FUT9: variants seen among roughly 807,000 people sequenced by gnomAD.
FUT9 encodes the protein 4-galactosyl-N-acetylglucosaminide 3-alpha-L-fucosyltransferase 9.
Under a neutral mutation model 29.7 loss-of-function variants are expected in FUT9, and 15 were observed. The observed-to-expected ratio is 0.51, with a 90% CI of 0.34 to 0.78. The LOEUF is 0.78. Ranked by LOEUF, FUT9 falls within the 30% of genes least tolerant of loss-of-function variation. The probability of loss-of-function intolerance (pLI) is 0.01; values close to 1 mark genes in which losing one functional copy is unlikely to be tolerated. For missense variants in FUT9, 319 were observed against 425.4 expected (o/e 0.75, Z 2.20); for synonymous variants, 169 against 153.7 (o/e 1.10, Z -0.74).
chr6:96,045,951 G>A (rs1770555770), intron 1 of FUT9, among the ~76,000 whole-genome samples: 1 of 152,188 alleles, frequency 6.6e-6, no homozygotes, highest in Non-Finnish European at 1.5e-5. Flanking sequence ...ATGAGGTAGG[G>A]TATAATTTTC....
At chr6:96,043,214 G>T (rs1021609943) in intron 1 of FUT9, among the ~76,000 whole-genome samples, 1 of 152,084 alleles carries the variant, frequency 6.6e-6, no homozygotes, top group Non-Finnish European at 1.5e-5. Flanking sequence ...ACCACGCCCG[G>T]CTAATTTTTT....
intron 1 of FUT9, among the ~76,000 whole-genome samples, chr6:96,042,454 A>G: frequency 6.6e-6 from 1 of 152,192 alleles, no homozygotes; most frequent in East Asian, 1.9e-4. Context: ...CACTACCTAA[A>G]TTCTGTAACT....
At chr6:96,145,797 G>C (rs1582265660) in intron 2 of FUT9, among the ~76,000 whole-genome samples, 1 of 152,128 alleles carries the variant, frequency 6.6e-6, no homozygotes, top group African/African-American at 2.4e-5. Context: ...TGGGGAGAAG[G>C]CCTTCACAGG....
At chr6:96,199,632 T>C (rs1484249699) in intron 2 of FUT9, among the ~76,000 whole-genome samples, 8 of 152,096 alleles carry the variant, frequency 5.3e-5, no homozygotes, top group Non-Finnish European at 8.8e-5. Flanking sequence ...GAGGCAAAAC[T>C]GGGAGATTTT....
At chr6:96,057,874 T>A (rs925336604) in intron 1 of FUT9, among the ~76,000 whole-genome samples, 10 of 152,190 alleles carry the variant, frequency 6.6e-5, no homozygotes, top group African/African-American at 2.4e-4. Context: ...CTAGACAATT[T>A]TCTCAAGATT....
At chr6:96,120,166 C>T (rs559863902) in intron 2 of FUT9, among the ~76,000 whole-genome samples, 2 of 151,436 alleles carry the variant, frequency 1.3e-5, no homozygotes, top group Non-Finnish European at 2.9e-5. Flanking sequence ...CTTCTACCAT[C>T]GTAGAAGTCT....
At chr6:96,121,416 T>A (rs1582247006) in intron 2 of FUT9, among the ~76,000 whole-genome samples, 1 of 152,244 alleles carries the variant, frequency 6.6e-6, no homozygotes, top group East Asian at 1.9e-4. Flanking sequence ...ATAGCTACTC[T>A]ACAAAGAGAC....
intron 1 of FUT9, among the ~76,000 whole-genome samples, chr6:96,034,415 A>G (rs1562102479): frequency 6.6e-6 from 1 of 150,668 alleles, no homozygotes; most frequent in Non-Finnish European, 1.5e-5. Context: ...ACTGGCGGAG[A>G]AAAAAAAAGC....
chr6:96,191,269 C>CA (rs758619156), intron 2 of FUT9, among the ~76,000 whole-genome samples: 37 of 152,026 alleles, frequency 2.4e-4, no homozygotes, highest in Non-Finnish European at 4.4e-4. Flanking sequence ...AAAAACCCTT[C>CA]AAAAAATCAA....
intron 2 of FUT9, among the ~76,000 whole-genome samples, chr6:96,165,190 G>A (rs1415787586): frequency 6.6e-6 from 1 of 152,168 alleles, no homozygotes; most frequent in Non-Finnish European, 1.5e-5. Flanking sequence ...CCAGCACTTT[G>A]GGAGGCTGAG....
At chr6:96,048,883 T>C (rs1406739442) in intron 1 of FUT9, among the ~76,000 whole-genome samples, 1 of 152,134 alleles carries the variant, frequency 6.6e-6, no homozygotes, top group African/African-American at 2.4e-5. Flanking sequence ...AATGCTATAG[T>C]CAGCTTGTCT....
At chr6:96,198,605 T>A (rs1180394075) in intron 2 of FUT9, among the ~76,000 whole-genome samples, 2 of 152,222 alleles carry the variant, frequency 1.3e-5, no homozygotes, top group African/African-American at 4.8e-5. Context: ...TATAGCAGCA[T>A]GATTTACAGT....
intron 1 of FUT9, among the ~76,000 whole-genome samples, chr6:96,088,530 TTGTGTGTGTG>T (rs35995545): frequency 0.51 from 75,377 of 148,622 alleles, 19,644 homozygotes; most frequent in Admixed American, 0.66. Flanking sequence ...TTTGTTTGTT[TTGTGTGTGTG>T]TGTGTGTGTG....
At chr6:96,048,782 G>A (rs9498824) in intron 1 of FUT9, among the ~76,000 whole-genome samples, 1 of 151,892 alleles carries the variant, frequency 6.6e-6, no homozygotes, top group African/African-American at 2.4e-5. Flanking sequence ...AAATGAGAGG[G>A]GGGGAACTGA....
At chr6:96,136,057 T>C (rs1022255227) in intron 2 of FUT9, among the ~76,000 whole-genome samples, 1 of 151,528 alleles carries the variant, frequency 6.6e-6, no homozygotes, top group Non-Finnish European at 1.5e-5. Context: ...AAGGAAATCA[T>C]GTAAAAGAGC....
Position 96,118,382 on chromosome 6 carries a change from A to T in FUT9, c.-9+4255A>T, listed in dbSNP as rs77981877. 6.4e-3 allele frequency among the ~76,000 whole-genome samples: 970 copies of T among 152,284 alleles called. 16 individuals are homozygous for T. Among genetic ancestry groups the T allele is most frequent in the African/African-American group, 0.022 (930 of 41,560 alleles). On this transcript the variant is annotated intron_variant, in intron 2 of 2. Coordinates refer to ENST00000302103, the MANE Select transcript of FUT9 (RefSeq NM_006581.4). ...AACATTGCAGGCAATGATTGACCAC[A>T]TGTACATCAGTGGTCCCATTAGATT...
At position 96,057,538 on chromosome 6, in the gene FUT9, C is replaced by T. The variant is rs117411425; in HGVS notation, c.-98+41326C>T. On this transcript the variant is annotated intron_variant, in intron 1 of 2. Transcript: ENST00000302103. ...TCAACATTATCAGCAGTAGTAATGG[C>T]CATCATTTATACATGTTGATTTTAT... Among the ~76,000 whole-genome samples the T allele has an allele frequency of 1.2e-3, 179 of 152,280 alleles. 2 individuals carry two copies. In the East Asian group the frequency reaches 0.029, roughly 25 times the overall value.
intron 1 of FUT9, among the ~76,000 whole-genome samples, chr6:96,029,707 G>T (rs1770228537): frequency 1.3e-5 from 2 of 151,602 alleles, no homozygotes; most frequent in African/African-American, 4.8e-5. Flanking sequence ...GTCAAAAGAA[G>T]TCAAGCAATG....
rs751421960 is a variant in FUT9, at chr6:96,204,006, A to G, written c.851A>G (p.Asp284Gly). ...RENYENYIPA[D>G]SFIHVEDYNS... ...AACTATGAGAATTATATTCCAGCAG[A>G]TTCATTCATTCATGTGGAAGATTAT... Residue 284 changes from aspartate to glycine, a missense_variant, in exon 3 of 3, where the codon GAT (aspartate) becomes GGT (glycine). By Grantham distance (94) the Asp-to-Gly change is moderately conservative. Coordinates refer to ENST00000302103, the MANE Select transcript of FUT9 (RefSeq NM_006581.4). The G allele has an allele frequency of 1.2e-6, 2 of 1,607,716 alleles. No homozygotes were observed. The highest frequency in any genetic ancestry group is 3.4e-5 in the Admixed American group (2 of 58,470).
Sources: gnomAD v4.1 joint callset for allele counts (sites outside exome capture counted in the v4.1 genomes callset) on GRCh38, gnomAD v4.1.1 for gene constraint, MANE v1.5 for transcripts, NCBI Gene and HGNC (gene_info 2026-07-23, HGNC 2026-07-21) for gene names.